The following GNAI1 variants were observed in gnomAD, a reference collection of about 807,000 sequenced individuals.
GNAI1 encodes guanine nucleotide-binding protein G(i) subunit alpha-1.
GNAI1 carries 11 observed loss-of-function variants against 38.9 expected under a neutral mutation model. The observed-to-expected ratio is 0.28, with a 90% CI of 0.18 to 0.47. GNAI1 has a LOEUF of 0.47. GNAI1 is among the 20% of genes least tolerant of loss of function. GNAI1 has a pLI of 0.99. For synonymous variants in GNAI1, 166 were observed against 145.1 expected (o/e 1.14, Z -1.04); for missense variants, 317 against 436.9 (o/e 0.73, Z 2.45).
Position 80,203,729 on chromosome 7 carries a change from G to A in GNAI1, c.487G>A (p.Ala163Thr). The A allele has an allele frequency of 6.3e-7, 1 of 1,594,334 alleles. No individual in the cohort carries two copies. The highest frequency in any genetic ancestry group is 8.6e-7 in the Non-Finnish European group (1 of 1,165,050). ...CTATTTGAATGACTTGGACAGAATA[G>A]CTCAACCAAATTACATCCCGACTCA... Reference protein sequence around the residue: ...AYYLNDLDRIAQPNYIPTQQD... With the variant: ...AYYLNDLDRITQPNYIPTQQD... The change falls in exon 5 of 8, where the codon GCT becomes ACT. Residue 163 changes from alanine to threonine, a missense_variant. Ala to Thr is a moderately conservative substitution (Grantham distance 58). Around this residue, in one of 5 missense-constraint regions of GNAI1, gnomAD observed 158 missense variants for 234.7 expected, o/e 0.67. Transcript: ENST00000649796.
intron 1 of GNAI1, chr7:80,135,856 C>T: frequency 1.0e-6 from 1 of 985,236 alleles, no homozygotes; most frequent in East Asian, 1.1e-4. Context: ...GCGCTGATTA[C>T]ATTCCCCCTG....
intron 1 of GNAI1, among the ~76,000 whole-genome samples, chr7:80,143,839 C>T (rs570977794): frequency 9.2e-5 from 14 of 152,178 alleles, no homozygotes; most frequent in African/African-American, 3.4e-4. Flanking sequence ...TCAGCCCTCC[C>T]TTGCAGTTTC....
chr7:80,138,430 GT>G (rs1562819936), intron 1 of GNAI1, among the ~76,000 whole-genome samples: 1 of 152,128 alleles, frequency 6.6e-6, no homozygotes, highest in African/African-American at 2.4e-5. Flanking sequence ...TTTAGGTTTA[GT>G]TTTTATGCTT....
intron 1 of GNAI1, chr7:80,135,731 C>T: frequency 2.1e-6 from 2 of 945,678 alleles, no homozygotes; most frequent in Non-Finnish European, 2.5e-6. Flanking sequence ...GTGGTTTTCT[C>T]ATGCCCAGAG....
At chr7:80,135,303 G>C in intron 1 of GNAI1, 25 bp downstream of exon 1, 2 of 1,273,504 alleles carry the variant, frequency 1.6e-6, no homozygotes, top group Non-Finnish European at 2.1e-6. Context: ...GTCGGGGCCC[G>C]GGGGTCGGCG....
chr7:80,180,177 A>G (rs543526431), intron 1 of GNAI1, among the ~76,000 whole-genome samples: 268 of 152,338 alleles, frequency 1.8e-3, no homozygotes, highest in African/African-American at 6.2e-3. Context: ...ACAAAGCAGT[A>G]TATGATTTCC....
At chr7:80,175,376 G>A (rs1788165248) in intron 1 of GNAI1, among the ~76,000 whole-genome samples, 1 of 151,982 alleles carries the variant, frequency 6.6e-6, no homozygotes, top group African/African-American at 2.4e-5. Context: ...GTGTGTGTGT[G>A]TGTGTGTGTA....
chr7:80,186,833 C>T (rs192360342), intron 1 of GNAI1, among the ~76,000 whole-genome samples: 14 of 152,278 alleles, frequency 9.2e-5, no homozygotes, highest in Non-Finnish European at 2.9e-5. Flanking sequence ...TGGAAACTGC[C>T]TAGGTTATAT....
rs1789131924 is a variant in GNAI1 at position 80,224,748 on chromosome 7, A to T, written c.*7255A>T. 6.6e-6 allele frequency among the ~76,000 whole-genome samples: 1 copy of T among 152,256 alleles called. No individual in the cohort carries two copies. Among genetic ancestry groups the T allele is most frequent in the Non-Finnish European group, 1.5e-5 (1 of 68,048 alleles). ...ACCCAGGTGTGAATGCAGAGCACTT[A>T]AAACGTAGCTAGTCCAAAGTGAGTT... On this transcript the variant is annotated 3_prime_UTR_variant, in exon 8 of 8. Transcript: ENST00000649796.
chr7:80,202,661 T>C (rs1369979579), intron 4 of GNAI1, among the ~76,000 whole-genome samples: 1 of 152,196 alleles, frequency 6.6e-6, no homozygotes, highest in Non-Finnish European at 1.5e-5. Context: ...CTAGTATAAT[T>C]ACCACATACA....
rs1195164195 is a variant in GNAI1 at position 80,160,368 on chromosome 7, T to TAAA, written c.118+25094_118+25096dup. Among the ~76,000 whole-genome samples the TAAA allele has an allele frequency of 5.9e-5, 9 of 152,216 alleles. No individual in the cohort carries two copies. The East Asian group carries it at 1.7e-3, about 29-fold the overall frequency. ...GATCTTTTAATAACTCGTTTGTGTT[T>TAAA]AAAAAATTCATTATTCTGTAAGAGA... is the stretch of plus-strand genomic sequence containing the variant. On this transcript the variant is annotated intron_variant, in intron 1 of 7. Transcript: ENST00000649796.
chr7:80,134,983 G>A lies in GNAI1; in HGVS notation c.-178G>A, dbSNP rs1787381234. The A allele has an allele frequency of 2.4e-6, 1 of 408,428 alleles. No homozygotes were observed. The highest frequency in any genetic ancestry group is 4.3e-6 in the Non-Finnish European group (1 of 231,818). 25.3% of individuals were successfully genotyped at this position (408,428 alleles called of 1,614,324 possible). A position where few individuals can be genotyped will look rare whatever the true frequency, so the allele number is the denominator to read the frequency against. ...TGGTCGTGAGGAACAGCCGCCCGTT[G>A]CTGTCTGCCCCTTTGCGGACAGCGT... On this transcript the variant is annotated 5_prime_UTR_variant, in exon 1 of 8. Coordinates refer to ENST00000649796, the MANE Select transcript of GNAI1 (RefSeq NM_002069.6).
intron 3 of GNAI1, among the ~76,000 whole-genome samples, chr7:80,192,120 C>G (rs532849816): frequency 2.6e-5 from 4 of 152,230 alleles, no homozygotes; most frequent in African/African-American, 4.8e-5. Context: ...ACACTTTTGC[C>G]TAGCATATTT....
rs551765100 is a variant in GNAI1, at chr7:80,159,214, G to A, written c.118+23936G>A. On this transcript the variant is annotated intron_variant, in intron 1 of 7. Transcript: ENST00000649796. ...TTTTGTGAAACAATTTTTTGGGGGG[G>A]CTTACTTGTTTGTTAGCAGTGCCCT... Among the ~76,000 whole-genome samples the A allele has an allele frequency of 9.9e-5, 15 of 152,228 alleles. No individual in the cohort carries two copies. In the South Asian group the frequency reaches 1.2e-3, roughly 13 times the overall value.
chr7:80,205,634 G>A (rs776346278), intron 5 of GNAI1, among the ~76,000 whole-genome samples: 6 of 151,530 alleles, frequency 4.0e-5, no homozygotes, highest in Non-Finnish European at 5.9e-5. Context: ...TGGTTTCTTT[G>A]TAGAAATTCA....
At chr7:80,192,779 T>C (rs1311364359) in intron 3 of GNAI1, among the ~76,000 whole-genome samples, 10 of 152,148 alleles carry the variant, frequency 6.6e-5, no homozygotes, top group Non-Finnish European at 8.8e-5. Context: ...CACTGCAACC[T>C]CCGCCTTCCT....
At chr7:80,144,750 ATG>A (rs1355267531) in intron 1 of GNAI1, among the ~76,000 whole-genome samples, 2 of 152,220 alleles carry the variant, frequency 1.3e-5, no homozygotes, top group African/African-American at 2.4e-5. Flanking sequence ...AATCAATATA[ATG>A]TAGTAGGAGT....
chr7:80,168,178 A>G (rs950853006), intron 1 of GNAI1, among the ~76,000 whole-genome samples: 1 of 152,126 alleles, frequency 6.6e-6, no homozygotes, highest in African/African-American at 2.4e-5. Flanking sequence ...TAGAGAATAT[A>G]CAAGAAATGG....
intron 1 of GNAI1, among the ~76,000 whole-genome samples, chr7:80,136,764 G>C: frequency 6.6e-6 from 1 of 152,164 alleles, no homozygotes. Context: ...TTGTTTCAGT[G>C]TATTTCTGTG....
Sources: gnomAD v4.1 joint callset for allele counts (sites outside exome capture counted in the v4.1 genomes callset) on GRCh38, gnomAD v4.1.1 for gene constraint, gnomAD v4.1.1 regional missense constraint, MANE v1.5 for transcripts, NCBI Gene and HGNC (gene_info 2026-07-23, HGNC 2026-07-21) for gene names.